The following LYPD6 variants were observed in gnomAD, a reference collection of about 807,000 sequenced individuals.
LYPD6 encodes LY6/PLAUR domain containing 6.
A neutral mutation model predicts 22.7 loss-of-function variants in LYPD6; 15 were observed. That is an observed-to-expected ratio of 0.66 (90% CI 0.44 to 1.02). The LOEUF (loss-of-function observed/expected upper bound fraction) is 1.02. Among genes scored for constraint, LYPD6 ranks in the 50% least tolerant of loss-of-function variants. The probability of loss-of-function intolerance (pLI) is 0.00; values close to 1 mark genes in which losing one functional copy is unlikely to be tolerated. For missense variants in LYPD6, 189 were observed against 208.4 expected, an observed-to-expected ratio of 0.91 and a Z score of 0.57; for synonymous variants, 72 against 77.5, an observed-to-expected ratio of 0.93 and a Z score of 0.37.
chr2:149,434,774 C>T (rs1156983252), intron 1 of LYPD6, among the ~76,000 whole-genome samples: 1 of 152,140 alleles, frequency 6.6e-6, no homozygotes, highest in Non-Finnish European at 1.5e-5. Context: ...ACGGCAAGTT[C>T]CTGTCCTGAG....
At chr2:149,470,546 G>T (rs111761724) in intron 4 of LYPD6, 137 bp from the exon 5 acceptor site, 1 of 680,556 alleles carries the variant, frequency 1.5e-6, no homozygotes, top group Admixed American at 2.7e-5. Context: ...CTTCCTGAAC[G>T]TAGAGTTGGC....
At chr2:149,359,719 T>C (rs1427206626) in intron 1 of LYPD6, among the ~76,000 whole-genome samples, 1 of 152,228 alleles carries the variant, frequency 6.6e-6, no homozygotes, top group Non-Finnish European at 1.5e-5. Context: ...GTTAACTCCA[T>C]GAAAGGTTCT....
At chr2:149,435,427 T>C (rs1683408912) in intron 1 of LYPD6, among the ~76,000 whole-genome samples, 1 of 152,344 alleles carries the variant, frequency 6.6e-6, no homozygotes, top group South Asian at 2.1e-4. Context: ...AACTGAGCCC[T>C]GCTACGTACA....
At chr2:149,404,401 T>G (rs1682642477) in intron 1 of LYPD6, among the ~76,000 whole-genome samples, 1 of 152,236 alleles carries the variant, frequency 6.6e-6, no homozygotes, top group South Asian at 2.1e-4. Flanking sequence ...TATCCTCTTT[T>G]ACTTCATTGA....
At chr2:149,350,375 G>A (rs1469419623) in intron 1 of LYPD6, among the ~76,000 whole-genome samples, 1 of 152,224 alleles carries the variant, frequency 6.6e-6, no homozygotes, top group African/African-American at 2.4e-5. Context: ...ATAATGTGGT[G>A]TTAATTGTTT....
At position 149,360,126 on chromosome 2, in the gene LYPD6, T is replaced by C. The variant is rs1302015679; in HGVS notation, c.-72+29404T>C. ...TGATGTTGCTATGGCATTTGTAAAC[T>C]GTCATGGTGCTGTTGGAAGTGTCTT... On this transcript the variant is annotated intron_variant, in intron 1 of 4. Transcript: ENST00000334166. 3.9e-5 allele frequency among the ~76,000 whole-genome samples: 6 copies of C among 152,204 alleles called. No individual in the cohort carries two copies. In the South Asian group the frequency reaches 1.2e-3, roughly 32 times the overall value.
At chr2:149,382,769 T>TTTGATAGCCTGTCTGCTATCAAA (rs2307665) in intron 1 of LYPD6, among the ~76,000 whole-genome samples, 1 of 151,690 alleles carries the variant, frequency 6.6e-6, no homozygotes, top group Admixed American at 6.6e-5. Flanking sequence ...AAGTAGTAGA[T>TTTGATAGCCTGTCTGCTATCAAA]TTGATAGCCT....
chr2:149,468,182 C>CACACACACAT (rs1344504517), intron 3 of LYPD6, among the ~76,000 whole-genome samples: 60 of 147,290 alleles, frequency 4.1e-4, no homozygotes, highest in African/African-American at 1.4e-3. Flanking sequence ...CACACACACA[C>CACACACACAT]ACACACCAGC....
At chr2:149,484,339 C>A in the LYPD6 span, among the ~76,000 whole-genome samples, 1 of 152,240 alleles carries the variant, frequency 6.6e-6, no homozygotes, top group Non-Finnish European at 1.5e-5. Context: ...CTGCAGCTTG[C>A]AGTTATGGCT....
At chr2:149,408,208 G>C (rs552592012) in intron 1 of LYPD6, among the ~76,000 whole-genome samples, 1 of 152,320 alleles carries the variant, frequency 6.6e-6, no homozygotes, top group African/African-American at 2.4e-5. Context: ...TGAGGAGGCA[G>C]TCTGCCCGTT....
At chr2:149,350,874 G>A (rs893798978) in intron 1 of LYPD6, among the ~76,000 whole-genome samples, 6 of 152,156 alleles carry the variant, frequency 3.9e-5, no homozygotes, top group African/African-American at 1.2e-4. Context: ...TACCCTTGCC[G>A]GGGCCTTTCT....
rs373247924 is a variant in LYPD6 at position 149,350,515 on chromosome 2, T to C, written c.-72+19793T>C. On this transcript the variant is annotated intron_variant, in intron 1 of 4. Coordinates refer to ENST00000334166, the MANE Select transcript of LYPD6 (RefSeq NM_194317.5). ...AATCCTGCAGGTGTTGGCTGGAGAG[T>C]AGTAAGCAGTTAGTGGCAAAGGGGT... Among the ~76,000 whole-genome samples, 3 of 152,114 alleles carry C rather than the reference T, an allele frequency of 2.0e-5. No homozygotes were observed. In the South Asian group the frequency reaches 6.2e-4, roughly 32 times the overall value.
intron 1 of LYPD6, among the ~76,000 whole-genome samples, chr2:149,396,526 A>G (rs752544684): frequency 6.6e-6 from 1 of 152,116 alleles, no homozygotes; most frequent in Non-Finnish European, 1.5e-5. Context: ...TTTAGATTTC[A>G]TAGTGTATTT....
At chr2:149,392,588 A>G (rs1682337018) in intron 1 of LYPD6, among the ~76,000 whole-genome samples, 2 of 152,200 alleles carry the variant, frequency 1.3e-5, no homozygotes, top group Non-Finnish European at 2.9e-5. Context: ...CATTGCCATA[A>G]GCAGAATGCA....
At chr2:149,415,970 C>T (rs1179891311) in intron 1 of LYPD6, among the ~76,000 whole-genome samples, 1 of 152,152 alleles carries the variant, frequency 6.6e-6, no homozygotes, top group Non-Finnish European at 1.5e-5. Context: ...GCAGGAGTCA[C>T]CATGCCCAGC....
At chr2:149,446,702 G>A (rs780920964) in intron 2 of LYPD6, among the ~76,000 whole-genome samples, 7 of 152,140 alleles carry the variant, frequency 4.6e-5, no homozygotes, top group Non-Finnish European at 8.8e-5. Flanking sequence ...TACTATGTGA[G>A]AGAGAGCACG....
At chr2:149,438,547 T>G (rs997684136) in intron 2 of LYPD6, among the ~76,000 whole-genome samples, 1 of 152,258 alleles carries the variant, frequency 6.6e-6, no homozygotes, top group Admixed American at 6.5e-5. Context: ...GGTTGTATTG[T>G]GTATATTCTG....
chr2:149,369,403 T>A (rs1196713), intron 1 of LYPD6, among the ~76,000 whole-genome samples: 1 of 152,140 alleles, frequency 6.6e-6, no homozygotes, highest in South Asian at 2.1e-4. Flanking sequence ...TCTGTGTGGG[T>A]GACATACCCA....
At chr2:149,400,493 A>G (rs1250243438) in intron 1 of LYPD6, among the ~76,000 whole-genome samples, 2 of 152,206 alleles carry the variant, frequency 1.3e-5, no homozygotes, top group African/African-American at 2.4e-5. Flanking sequence ...GAGACGAACA[A>G]GTATTGTTTA....
Sources: gnomAD v4.1 joint callset for allele counts (sites outside exome capture counted in the v4.1 genomes callset) on GRCh38, gnomAD v4.1.1 for gene constraint, MANE v1.5 for transcripts, NCBI Gene and HGNC (gene_info 2026-07-23, HGNC 2026-07-21) for gene names.